AHRR: variants seen among roughly 807,000 people sequenced by gnomAD.
AHRR encodes ahR repressor.
Under a neutral mutation model 44.0 loss-of-function variants are expected in AHRR, and 28 were observed. That is an observed-to-expected ratio of 0.64 (90% CI 0.47 to 0.87). AHRR has a LOEUF of 0.87. Ranked by LOEUF, AHRR falls within the 40% of genes least tolerant of loss-of-function variation. The pLI is 0.00. For synonymous variants in AHRR, 434 were observed against 407.0 expected, an observed-to-expected ratio of 1.07 and a Z score of -0.80; for missense variants, 990 against 953.9, an observed-to-expected ratio of 1.04 and a Z score of -0.50.
At chr5:418,485 G>A (rs1228776291) in intron 5 of AHRR, among the ~76,000 whole-genome samples, 1 of 152,180 alleles carries the variant, frequency 6.6e-6, no homozygotes, top group East Asian at 1.9e-4. Flanking sequence ...TCCTCCACAT[G>A]TGCCATCTGG....
Position 415,304 on chromosome 5 carries a change from C to G in AHRR, c.441+1871C>G, listed in dbSNP as rs145013373. ...TGATTAAAGCAAAAATCTGCCTGGT[C>G]GGGTGGGAGGCCTAGGGGCCGAATC... On this transcript the variant is annotated intron_variant, in intron 5 of 10. Transcript: ENST00000684583. 4.7e-4 allele frequency among the ~76,000 whole-genome samples: 68 copies of G among 144,452 alleles called. 1 individual carries two copies. The highest frequency in any genetic ancestry group is 3.6e-3 in the Middle Eastern group (1 of 280). 94.8% of individuals were successfully genotyped at this position (144,452 alleles called of 152,430 possible).
chr5:349,453 G>A (rs1014914289), intron 2 of AHRR, among the ~76,000 whole-genome samples: 7 of 152,072 alleles, frequency 4.6e-5, no homozygotes, highest in African/African-American at 1.4e-4. Flanking sequence ...GGTGGCGGGC[G>A]CCTGTAGTCC....
In AHRR at chr5:436,927, A is replaced by G. The variant is rs1243022702; in HGVS notation, c.*2093A>G. On this transcript the variant is annotated 3_prime_UTR_variant, in exon 11 of 11. Transcript: ENST00000684583. The stretch of plus-strand genomic sequence containing the variant: ...TCTTTATTCATTTCTCATGCTGAGC[A>G]TGGCACACTTCTGGCCTCTGGGCAT... 1 of 152,412 alleles carries G rather than the reference A, an allele frequency of 6.6e-6. No individual in the cohort carries two copies. The highest frequency in any genetic ancestry group is 1.5e-5 in the Non-Finnish European group (1 of 68,064). The allele number at this position is 152,412 out of a possible 1,614,324, so 9.4% of individuals were successfully genotyped here. A position where few individuals can be genotyped will look rare whatever the true frequency, so the allele number is the denominator to read the frequency against.
rs892628123 is a variant in AHRR at position 383,503 on chromosome 5, G to C, written c.351+6787G>C. On this transcript the variant is annotated intron_variant, in intron 4 of 10. Transcript: ENST00000684583. The surrounding 1 kb of genome is among the most constrained non-coding windows in gnomAD (Gnocchi z 4.0). ...GTAAAATGCCTCCTTATTCCTGGTAGTTTCTCTTGTTCTGAAATCCACTTT... is the reference window on the plus strand; with the variant it reads ...GTAAAATGCCTCCTTATTCCTGGTACTTTCTCTTGTTCTGAAATCCACTTT... Among the ~76,000 whole-genome samples, 5 of 151,512 alleles carry C rather than the reference G, an allele frequency of 3.3e-5. No individual in the cohort carries two copies. The highest frequency in any genetic ancestry group is 3.3e-4 in the Admixed American group (5 of 15,224).
Position 434,189 on chromosome 5 carries a change from TC to T in AHRR, c.1453del (p.Gln485ArgfsTer26). On this transcript the variant is annotated frameshift_variant, in exon 11 of 11. Transcript: ENST00000684583. ...DQVHPPLCHF[P>X]QRSLQHQLPQ... ...AGGTGCACCCTCCCCTCTGCCACTT[TC>T]CCCAGAGGAGCCTGCAGCACCAGCT... 1 of 1,593,588 alleles carries T rather than the reference TC, an allele frequency of 6.3e-7. No individual in the cohort carries two copies.
intron 4 of AHRR, among the ~76,000 whole-genome samples, chr5:408,331 C>T (rs1735349636): frequency 6.6e-6 from 1 of 151,866 alleles, no homozygotes; most frequent in Admixed American, 6.6e-5. Flanking sequence ...GGTGCACACA[C>T]ATACATGTTA....
chr5:398,567 C>T (rs961474364), intron 4 of AHRR, among the ~76,000 whole-genome samples: 3 of 152,358 alleles, frequency 2.0e-5, no homozygotes, highest in Non-Finnish European at 1.5e-5. Flanking sequence ...ATCCCAGGCT[C>T]TCCCCAGCAG....
intron 4 of AHRR, 46 bp downstream of exon 4, chr5:376,762 C>G: frequency 6.8e-7 from 1 of 1,472,244 alleles, no homozygotes; most frequent in Non-Finnish European, 9.3e-7. Flanking sequence ...CTTGGTTCTC[C>G]GTGTCACGCG....
chr5:436,875 T>G lies in AHRR; in HGVS notation c.*2041T>G, dbSNP rs1328909581. Reference sequence around the variant, plus strand: ...CTGAGGACTGGCGCCTACTTCCCACTTTGGCCCTACACTGGCACAGAGCCC... The same window carrying G: ...CTGAGGACTGGCGCCTACTTCCCACGTTGGCCCTACACTGGCACAGAGCCC... On this transcript the variant is annotated 3_prime_UTR_variant, in exon 11 of 11. Coordinates refer to ENST00000684583, the MANE Select transcript of AHRR (RefSeq NM_001377236.1). 6.6e-6 allele frequency: 1 copy of G among 152,386 alleles called. No homozygotes were observed. The highest frequency in any genetic ancestry group is 1.5e-5 in the Non-Finnish European group (1 of 68,072). The allele number at this position is 152,386 out of a possible 1,614,324, so 9.4% of individuals were successfully genotyped here.
At position 406,133 on chromosome 5, in the gene AHRR, G is replaced by T. The variant is rs888167597; in HGVS notation, c.352-7211G>T. Among the ~76,000 whole-genome samples, 1 of 152,232 alleles carries T rather than the reference G, an allele frequency of 6.6e-6. No individual in the cohort carries two copies. Among genetic ancestry groups the T allele is most frequent in the African/African-American group, 2.4e-5 (1 of 41,470 alleles). On this transcript the variant is annotated intron_variant, in intron 4 of 10. Transcript: ENST00000684583. The surrounding 1 kb of genome is among the most constrained non-coding windows in gnomAD (Gnocchi z 4.7). ...AAACGGGAAAGGAAAGGCATTGTCC[G>T]GAAGAAGCCTCTTGCAGTGTGGATG... is the stretch of plus-strand genomic sequence containing the variant.
intron 1 of AHRR, among the ~76,000 whole-genome samples, chr5:328,859 A>G (rs1216329407): frequency 6.6e-6 from 1 of 152,124 alleles, no homozygotes; most frequent in African/African-American, 2.4e-5. Flanking sequence ...CACTCTGTTT[A>G]TTATTTCTTT....
At chr5:384,014 C>G (rs939231254) in intron 4 of AHRR, among the ~76,000 whole-genome samples, 2 of 151,916 alleles carry the variant, frequency 1.3e-5, no homozygotes, top group African/African-American at 4.8e-5. Flanking sequence ...CTGACAATCT[C>G]TGTCTTCTAA....
chr5:349,011 C>T (rs1443325006), intron 2 of AHRR, among the ~76,000 whole-genome samples: 1 of 152,214 alleles, frequency 6.6e-6, no homozygotes, highest in East Asian at 1.9e-4. Flanking sequence ...TGACCATCCT[C>T]ATGGGTTGGT....
intron 5 of AHRR, among the ~76,000 whole-genome samples, chr5:416,401 G>C (rs1005365922): frequency 1.6e-4 from 24 of 152,382 alleles, no homozygotes; most frequent in South Asian, 2.1e-4. Flanking sequence ...AAAAGCCCTG[G>C]TGCCCGGCAC....
At chr5:389,917 G>A (rs1159523678) in intron 4 of AHRR, among the ~76,000 whole-genome samples, 1 of 115,630 alleles carries the variant, frequency 8.6e-6, no homozygotes, top group Non-Finnish European at 1.8e-5. Context: ...GAGGGGAAGG[G>A]AGGGAGGGGG....
chr5:344,947 G>T (rs1272406704), intron 2 of AHRR, among the ~76,000 whole-genome samples: 2 of 69,518 alleles, frequency 2.9e-5, no homozygotes, highest in African/African-American at 6.6e-5. Context: ...TGTGTGGGGG[G>T]GGTGTGTGTG....
chr5:353,646 G>A lies in AHRR; in HGVS notation c.63-84G>A. The A allele has an allele frequency of 3.0e-6, 4 of 1,315,130 alleles. No homozygotes were observed. In the South Asian group the frequency reaches 4.1e-5, roughly 14 times the overall value. The allele number at this position is 1,315,130 out of a possible 1,614,324, so 81.5% of individuals were successfully genotyped here. On this transcript the variant is annotated intron_variant, in intron 2 of 10. Transcript: ENST00000684583. ...CAGCAGCGTAGATGCTCCTAGTAAG[G>A]TCACTGCAGAGGACGGTTTCCGCCC... is the stretch of plus-strand genomic sequence containing the variant.
intron 1 of AHRR, chr5:343,543 G>A (rs1200121292): frequency 7.6e-5 from 24 of 316,346 alleles, no homozygotes; most frequent in Non-Finnish European, 1.2e-4. Context: ...GCTGCGCCCC[G>A]CCCCGCCCGT....
In AHRR at chr5:383,917, A is replaced by G. The variant is rs915259931; in HGVS notation, c.351+7201A>G. 1.3e-5 allele frequency among the ~76,000 whole-genome samples: 2 copies of G among 151,618 alleles called. No homozygotes were observed. Among genetic ancestry groups the G allele is most frequent in the African/African-American group, 4.9e-5 (2 of 41,212 alleles). On this transcript the variant is annotated intron_variant, in intron 4 of 10. Transcript: ENST00000684583. The surrounding 1 kb of genome is among the most constrained non-coding windows in gnomAD (Gnocchi z 4.0). Reference sequence around the variant, plus strand: ...TTGGAATATCTTACTCCATCTTTTTACTTTTAATCAATTTATGTCATTATA... The same window carrying G: ...TTGGAATATCTTACTCCATCTTTTTGCTTTTAATCAATTTATGTCATTATA...
Sources: allele counts gnomAD v4.1 joint callset (sites outside exome capture counted in the v4.1 genomes callset), GRCh38; gene constraint gnomAD v4.1.1; non-coding constraint Gnocchi (gnomAD v3.1); transcripts MANE v1.5; gene names NCBI Gene and HGNC (gene_info 2026-07-23, HGNC 2026-07-21).